SLC35G1: variants seen among roughly 807,000 people sequenced by gnomAD.
SLC35G1 encodes the protein partner of STIM1.
Under a neutral mutation model 17.1 loss-of-function variants are expected in SLC35G1, and 10 were observed. The ratio of observed to expected loss-of-function variants is 0.59; its 90% CI spans 0.36 to 0.99. SLC35G1 has a LOEUF of 0.99. Ranked by LOEUF, SLC35G1 falls within the 50% of genes least tolerant of loss-of-function variation. The pLI is 0.01. For synonymous variants in SLC35G1, 185 were observed against 181.1 expected (o/e 1.02, Z -0.18); for missense variants, 433 against 468.4 (o/e 0.92, Z 0.70).
At chr10:93,897,877 G>A (rs1229136865) in intron 1 of SLC35G1, among the ~76,000 whole-genome samples, 3 of 152,206 alleles carry the variant, frequency 2.0e-5, no homozygotes, top group Non-Finnish European at 2.9e-5. Flanking sequence ...GGGAAGATAA[G>A]TCGTGAAAGC....
In SLC35G1 at chr10:93,903,216, T is replaced by C. The variant is rs1286757763; in HGVS notation, c.*1726T>C. ...AAATGAAGTCTATGTAGGTGAGTCA[T>C]CTCTGTTCCACCTGATTTACAGTAT... On this transcript the variant is annotated 3_prime_UTR_variant, in exon 3 of 3. Transcript: ENST00000427197. 1 of 152,190 alleles carries C rather than the reference T, an allele frequency of 6.6e-6. No homozygotes were observed. The highest frequency in any genetic ancestry group is 1.5e-5 in the Non-Finnish European group (1 of 68,026). The allele number at this position is 152,190 out of a possible 1,614,324, so 9.4% of individuals were successfully genotyped here.
intron 2 of SLC35G1, among the ~76,000 whole-genome samples, 196 bp downstream of exon 2, chr10:93,898,947 A>G (rs1002205817): frequency 6.6e-6 from 1 of 152,204 alleles, no homozygotes; most frequent in Non-Finnish European, 1.5e-5. Context: ...CATACCCAAC[A>G]AAGTGGGGAG....
At chr10:93,898,344 T>C (rs774049082) in intron 1 of SLC35G1, among the ~76,000 whole-genome samples, 1 of 152,196 alleles carries the variant, frequency 6.6e-6, no homozygotes. Context: ...GGAAATCCAT[T>C]TGATAGGGCG....
chr10:93,899,660 A>G (rs1181456958), intron 2 of SLC35G1, among the ~76,000 whole-genome samples: 1 of 152,192 alleles, frequency 6.6e-6, no homozygotes, highest in African/African-American at 2.4e-5. Context: ...GTTTCACTCC[A>G]TATCCTGATG....
downstream of SLC35G1, among the ~76,000 whole-genome samples, chr10:93,905,530 G>A (rs551552148): frequency 4.3e-4 from 65 of 152,256 alleles, no homozygotes; most frequent in Middle Eastern, 0.014. Flanking sequence ...CTGGACCTGG[G>A]AAAACAATTC....
At chr10:93,895,303 C>T (rs2060319095) in intron 1 of SLC35G1, among the ~76,000 whole-genome samples, 1 of 152,178 alleles carries the variant, frequency 6.6e-6, no homozygotes. Context: ...CCGAAATGAT[C>T]AGACTTGTGA....
At chr10:93,899,737 A>G (rs183118662) in intron 2 of SLC35G1, among the ~76,000 whole-genome samples, 136 of 152,316 alleles carry the variant, frequency 8.9e-4, no homozygotes, top group Admixed American at 3.2e-3. Flanking sequence ...AAGTCACACT[A>G]TTTTAAGAAA....
intron 1 of SLC35G1, 83 bp downstream of exon 1, chr10:93,894,294 G>T: frequency 4.0e-6 from 5 of 1,241,382 alleles, no homozygotes; most frequent in Non-Finnish European, 5.1e-6. Flanking sequence ...CCGCAACCCG[G>T]GCACAGTGCC....
chr10:93,895,007 C>T (rs1049659957), intron 1 of SLC35G1, among the ~76,000 whole-genome samples: 2 of 152,214 alleles, frequency 1.3e-5, no homozygotes, highest in African/African-American at 2.4e-5. Flanking sequence ...GCCTAGGGCC[C>T]TTTCCACTGG....
In SLC35G1 at chr10:93,894,029, G is replaced by A; in HGVS notation, c.-5G>A. On this transcript the variant is annotated 5_prime_UTR_variant, in exon 1 of 3. Coordinates refer to ENST00000427197, the MANE Select transcript of SLC35G1 (RefSeq NM_001134658.3). ...ACCGGCCGCTGGTAGAGCGCGTGCCGCGAGATGCGGCCTCAGGACAGCACC... is the reference window on the plus strand; with the variant it reads ...ACCGGCCGCTGGTAGAGCGCGTGCCACGAGATGCGGCCTCAGGACAGCACC... The A allele has an allele frequency of 2.1e-6, 3 of 1,417,636 alleles. No individual in the cohort carries two copies. Among genetic ancestry groups the A allele is most frequent in the Non-Finnish European group, 2.7e-6 (3 of 1,092,996 alleles). The allele number at this position is 1,417,636 out of a possible 1,614,324, so 87.8% of individuals were successfully genotyped here.
chr10:93,908,727 C>A (rs1413311024), downstream of SLC35G1: 1 of 152,122 alleles, frequency 6.6e-6, no homozygotes, highest in African/African-American at 2.4e-5. Flanking sequence ...TAACTGGAAG[C>A]AAACATGACA....
exon 3 of SLC35G1, chr10:93,909,618 A>T (rs898613129): frequency 5.3e-5 from 8 of 152,292 alleles, no homozygotes; most frequent in African/African-American, 2.4e-5. Context: ...TGGCCCAATG[A>T]GTACACAGTC....
chr10:93,900,910 T>G lies in SLC35G1; in HGVS notation c.518T>G (p.Phe173Cys). The G allele has an allele frequency of 2.5e-6, 4 of 1,614,036 alleles. No individual in the cohort carries two copies. Among genetic ancestry groups the G allele is most frequent in the Non-Finnish European group, 3.4e-6 (4 of 1,179,968 alleles). ...TFSSPVFTSI[F>C]AWICLKEKYS... is the part of the protein sequence containing the mutation. ...AGCAGTCCAGTGTTTACGTCCATATTTGCTTGGATATGTCTCAAGGAAAAA... is the reference window on the plus strand; with the variant it reads ...AGCAGTCCAGTGTTTACGTCCATATGTGCTTGGATATGTCTCAAGGAAAAA... Residue 173 changes from phenylalanine (F) to cysteine (C), a missense_variant, in exon 3 of 3, where the codon TTT becomes TGT. Physicochemically the swap from Phe to Cys is radical, Grantham distance 205 (BLOSUM62 -2). Transcript: ENST00000427197.
At chr10:93,899,795 T>C (rs1307895827) in intron 2 of SLC35G1, among the ~76,000 whole-genome samples, 2 of 152,204 alleles carry the variant, frequency 1.3e-5, no homozygotes, top group Admixed American at 6.5e-5. Context: ...AGAACACCGA[T>C]GCTAACATAA....
At chr10:93,898,469 C>A in intron 1 of SLC35G1, 102 bp from the exon 2 acceptor site, 2 of 1,106,462 alleles carry the variant, frequency 1.8e-6, no homozygotes, top group Non-Finnish European at 1.3e-6. Context: ...GGTAATAAAG[C>A]CTGTTGACCT....
intron 2 of SLC35G1, among the ~76,000 whole-genome samples, chr10:93,899,036 C>G (rs1159343309): frequency 6.6e-6 from 1 of 152,162 alleles, no homozygotes. Context: ...TTGTATCACC[C>G]TCCCTTCTTT....
intron 1 of SLC35G1, among the ~76,000 whole-genome samples, chr10:93,895,056 G>T (rs1171688352): frequency 6.6e-6 from 1 of 152,138 alleles, no homozygotes; most frequent in Non-Finnish European, 1.5e-5. Context: ...CTTAGAAGTC[G>T]ACCATCTACC....
rs1284076796 is a variant in SLC35G1, at chr10:93,898,592, G to T, written c.200G>T (p.Cys67Phe). The T allele has an allele frequency of 6.2e-7, 1 of 1,610,016 alleles. No individual in the cohort carries two copies. The highest frequency in any genetic ancestry group is 8.5e-7 in the Non-Finnish European group (1 of 1,178,900). Residue 67 changes from cysteine to phenylalanine, a missense_variant, in exon 2 of 3, where the codon TGT becomes TTT. Coordinates refer to ENST00000427197, the MANE Select transcript of SLC35G1 (RefSeq NM_001134658.3). ...TCAGAAGCCAAGAAGAAAGCACCCT[G>T]TCCTGGACTTGGCTTGTTTTACACA... The part of the protein sequence containing the change: ...TEPEAKKKAP[C>F]PGLGLFYTLL...
At chr10:93,898,061 C>A (rs539980382) in intron 1 of SLC35G1, among the ~76,000 whole-genome samples, 69 of 152,326 alleles carry the variant, frequency 4.5e-4, no homozygotes, top group African/African-American at 1.5e-3. Flanking sequence ...ATGTACAAGA[C>A]AGCAAGATCC....
Sources: gnomAD v4.1 joint callset for allele counts (sites outside exome capture counted in the v4.1 genomes callset) on GRCh38, gnomAD v4.1.1 for gene constraint, MANE v1.5 for transcripts, NCBI Gene and HGNC (gene_info 2026-07-23, HGNC 2026-07-21) for gene names.